Variants in KCNU1 observed in about 807,000 individuals in gnomAD.
The protein encoded by KCNU1 is potassium channel subfamily U member 1.
KCNU1 carries 93 observed loss-of-function variants against 126.8 expected under a neutral mutation model. That is an observed-to-expected ratio of 0.73 (90% CI 0.62 to 0.87). The LOEUF (loss-of-function observed/expected upper bound fraction) is 0.87, where lower values mean the gene tolerates loss of function less well. KCNU1 is among the 40% of genes least tolerant of loss of function. The pLI is 0.00. For missense variants in KCNU1, 1,330 were observed against 1,367.1 expected, an observed-to-expected ratio of 0.97 and a Z score of 0.43; for synonymous variants, 523 against 494.2, an observed-to-expected ratio of 1.06 and a Z score of -0.77.
intron 18 of KCNU1, among the ~76,000 whole-genome samples, chr8:36,858,514 A>G (rs1340560359): frequency 6.6e-6 from 1 of 152,180 alleles, no homozygotes; most frequent in Admixed American, 6.6e-5. Context: ...ATGTAAATTT[A>G]GTATAGTTTC....
chr8:36,809,756 G>A (rs138837107), intron 7 of KCNU1, among the ~76,000 whole-genome samples: 91 of 152,282 alleles, frequency 6.0e-4, no homozygotes, highest in African/African-American at 1.9e-3. Context: ...GGCCACCACA[G>A]GATGCTAAAG....
intron 2 of KCNU1, among the ~76,000 whole-genome samples, chr8:36,790,930 A>G (rs1405366008): frequency 6.6e-6 from 1 of 151,968 alleles, no homozygotes; most frequent in Admixed American, 6.6e-5. Flanking sequence ...TTGAGGGAGA[A>G]TACATGGGCA....
At chr8:36,819,920 G>A (rs1804059682) in intron 10 of KCNU1, among the ~76,000 whole-genome samples, 1 of 152,138 alleles carries the variant, frequency 6.6e-6, no homozygotes, top group Non-Finnish European at 1.5e-5. Context: ...ATAGAACACA[G>A]AAGATGTGAC....
At position 36,932,922 on chromosome 8, in the gene KCNU1, A is replaced by C. The variant is rs1362163363; in HGVS notation, c.2934A>C (p.Pro978=). ...LHETILSDVN[P]RNTFGQLFCG... The stretch of plus-strand genomic sequence containing the variant: ...ATTTTTGTCTCTTCTCTCCCCAGCC[A>C]AGAAACACCTTTGGACAACTGTTCT... The change falls in exon 26 of 27, where the codon CCA becomes CCC. Residue 978 remains proline, a splice_region_variant and synonymous_variant. Coordinates refer to ENST00000399881, the MANE Select transcript of KCNU1 (RefSeq NM_001031836.3). 1.9e-6 allele frequency: 3 copies of C among 1,556,904 alleles called. No homozygotes were observed. Among genetic ancestry groups the C allele is most frequent in the Non-Finnish European group, 2.6e-6 (3 of 1,146,084 alleles).
chr8:36,890,822 C>T (rs1806933431), intron 19 of KCNU1, among the ~76,000 whole-genome samples: 2 of 151,690 alleles, frequency 1.3e-5, no homozygotes, highest in South Asian at 4.2e-4. Context: ...CATGCTAACA[C>T]TTATTACCTT....
chr8:36,914,988 A>G (rs1232579054), intron 22 of KCNU1, among the ~76,000 whole-genome samples: 2 of 152,176 alleles, frequency 1.3e-5, no homozygotes, highest in Non-Finnish European at 2.9e-5. Flanking sequence ...CAAATTAACC[A>G]TTGCTCGAAA....
chr8:36,919,071 G>A (rs1220921709), intron 23 of KCNU1, among the ~76,000 whole-genome samples, 174 bp downstream of exon 23: 3 of 152,110 alleles, frequency 2.0e-5, no homozygotes, highest in South Asian at 2.1e-4. Context: ...TGGGGACATC[G>A]GTATATCTGG....
Position 36,807,796 on chromosome 8 carries a change from T to A in KCNU1, c.656+346T>A, listed in dbSNP as rs181488133. Among the ~76,000 whole-genome samples the A allele has an allele frequency of 3.2e-3, 466 of 147,898 alleles. 1 individual carries two copies. The highest frequency in any genetic ancestry group is 2.9e-3 in the Non-Finnish European group (198 of 67,550). On this transcript the variant is annotated intron_variant, in intron 6 of 26. Transcript: ENST00000399881. ...TCTATATATTTGCTTTAGTAACTCA[T>A]GTCTCTCCTGGCTAGGTAAAAAAAA...
intron 2 of KCNU1, among the ~76,000 whole-genome samples, chr8:36,798,770 A>C (rs1803197385): frequency 6.6e-6 from 1 of 152,186 alleles, no homozygotes; most frequent in African/African-American, 2.4e-5. Context: ...TCTGGACTAA[A>C]GCAATGTATT....
At chr8:36,885,653 C>T (rs1177027953) in intron 19 of KCNU1, among the ~76,000 whole-genome samples, 2 of 151,938 alleles carry the variant, frequency 1.3e-5, no homozygotes, top group Non-Finnish European at 2.9e-5. Flanking sequence ...ATTAACTGGT[C>T]ATGGTGGTGG....
Position 36,817,778 on chromosome 8 carries a change from G to C in KCNU1, c.1106+18G>C. 8.2e-7 allele frequency: 1 copy of C among 1,215,240 alleles called. No homozygotes were observed. The highest frequency in any genetic ancestry group is 1.2e-6 in the Non-Finnish European group (1 of 817,382). The allele number at this position is 1,215,240 out of a possible 1,614,324, so 75.3% of individuals were successfully genotyped here. ...CTGGGAGAGTAAGTATATCTGTATG[G>C]CTCATGGGTTCTAAATTAATACTTA... On this transcript the variant is annotated intron_variant, in intron 10 of 26. Coordinates refer to ENST00000399881, the MANE Select transcript of KCNU1 (RefSeq NM_001031836.3).
chr8:36,853,751 A>G (rs1805433961), intron 18 of KCNU1, among the ~76,000 whole-genome samples: 1 of 152,022 alleles, frequency 6.6e-6, no homozygotes, highest in South Asian at 2.1e-4. Context: ...TGTTATATGG[A>G]TGTCTGTTAA....
intron 19 of KCNU1, among the ~76,000 whole-genome samples, chr8:36,886,709 A>G (rs1806718632): frequency 6.6e-6 from 1 of 152,156 alleles, no homozygotes; most frequent in Non-Finnish European, 1.5e-5. Flanking sequence ...GATGAATTGC[A>G]TCGTGGTGAA....
At chr8:36,833,475 C>T in intron 10 of KCNU1, 79 bp from the exon 11 acceptor site, 1 of 782,662 alleles carries the variant, frequency 1.3e-6, no homozygotes, top group Non-Finnish European at 2.2e-6. Flanking sequence ...CTAAATGCAC[C>T]AAATTAGTTA....
chr8:36,810,552 AG>A (rs2130441887), intron 7 of KCNU1, among the ~76,000 whole-genome samples: 1 of 152,352 alleles, frequency 6.6e-6, no homozygotes, highest in African/African-American at 2.4e-5. Context: ...CCCAGAGAAA[AG>A]AAAATAGCAG....
At chr8:36,821,326 C>T (rs759924803) in intron 10 of KCNU1, among the ~76,000 whole-genome samples, 4 of 152,128 alleles carry the variant, frequency 2.6e-5, no homozygotes, top group Admixed American at 6.5e-5. Flanking sequence ...TCTGTAGACC[C>T]GTGATTTCTC....
At chr8:36,931,863 A>C (rs1485045139) in intron 25 of KCNU1, among the ~76,000 whole-genome samples, 1 of 152,112 alleles carries the variant, frequency 6.6e-6, no homozygotes, top group African/African-American at 2.4e-5. Flanking sequence ...AAGGGATAAG[A>C]TAATAATTCT....
Position 36,836,812 on chromosome 8 carries a change from C to A in KCNU1, c.1385C>A (p.Pro462His). Residue 462 changes from proline (P) to histidine (H), a missense_variant, in exon 14 of 27, where the codon CCC (proline) becomes CAC (histidine). By Grantham distance (77) the Pro-to-His change is moderately conservative. Coordinates refer to ENST00000399881, the MANE Select transcript of KCNU1 (RefSeq NM_001031836.3). The stretch of plus-strand genomic sequence containing the variant: ...GAACAGGTTTATCTGCCAAAGATTC[C>A]CAGCTGGAACTGGGACACCGGAGAC... The part of the protein sequence containing the change: ...SHNKVYLPKI[P>H]SWNWDTGDNI... 2 of 1,613,652 alleles carry A rather than the reference C, an allele frequency of 1.2e-6. No individual in the cohort carries two copies. Among genetic ancestry groups the A allele is most frequent in the African/African-American group, 2.7e-5 (2 of 74,974 alleles).
chr8:36,838,073 G>A (rs1479885781), intron 14 of KCNU1, among the ~76,000 whole-genome samples: 3 of 152,326 alleles, frequency 2.0e-5, no homozygotes, highest in Admixed American at 2.0e-4. Context: ...AATGTAAAGA[G>A]ATGTAATATA....
Sources: gnomAD v4.1 joint callset for allele counts (sites outside exome capture counted in the v4.1 genomes callset) on GRCh38, gnomAD v4.1.1 for gene constraint, MANE v1.5 for transcripts, NCBI Gene and HGNC (gene_info 2026-07-23, HGNC 2026-07-21) for gene names.